XPR1: variants seen among roughly 807,000 people sequenced by gnomAD.
XPR1 encodes the protein solute carrier family 53 member 1.
XPR1 carries 28 observed loss-of-function variants against 87.5 expected under a neutral mutation model. That is an observed-to-expected ratio of 0.32 (90% CI 0.24 to 0.44). The LOEUF (loss-of-function observed/expected upper bound fraction) is 0.44. XPR1 is among the 20% of genes least tolerant of loss of function. The pLI, the probability that XPR1 is intolerant of heterozygous loss-of-function variation, is 1.00. For synonymous variants in XPR1, 300 were observed against 306.1 expected (o/e 0.98, Z 0.21); for missense variants, 559 against 862.3 (o/e 0.65, Z 4.41).
intron 9 of XPR1, among the ~76,000 whole-genome samples, chr1:180,827,153 CAAAA>C (rs11324246): frequency 3.6e-4 from 24 of 66,908 alleles, no homozygotes; most frequent in Middle Eastern, 8.5e-3. Flanking sequence ...GACTCCTTCT[CAAAA>C]AAAAAAAAAA....
chr1:180,755,458 A>G (rs1245044212), intron 2 of XPR1, among the ~76,000 whole-genome samples: 2 of 152,244 alleles, frequency 1.3e-5, no homozygotes, highest in Non-Finnish European at 2.9e-5. Flanking sequence ...AAATGCATAC[A>G]TGTGCACACC....
intron 9 of XPR1, 134 bp from the exon 10 acceptor site, chr1:180,834,740 T>C (rs1651213166): frequency 1.0e-6 from 1 of 970,702 alleles, no homozygotes; most frequent in Non-Finnish European, 1.5e-6. Flanking sequence ...TTGCCAGGTC[T>C]CTGTATTTAT....
chr1:180,739,105 TATAAC>T (rs148452146), intron 2 of XPR1, among the ~76,000 whole-genome samples: 2,554 of 152,324 alleles, frequency 0.017, 78 homozygotes, highest in African/African-American at 0.056. Context: ...ATCCAGTTGT[TATAAC>T]ATAATTTGTT....
chr1:180,693,811 T>A (rs1299678568), intron 2 of XPR1, among the ~76,000 whole-genome samples: 1 of 152,228 alleles, frequency 6.6e-6, no homozygotes, highest in Non-Finnish European at 1.5e-5. Flanking sequence ...TCCAGGATGA[T>A]GTCATCTCAA....
chr1:180,775,075 C>A (rs540036264), intron 2 of XPR1, among the ~76,000 whole-genome samples: 3 of 152,156 alleles, frequency 2.0e-5, no homozygotes, highest in Non-Finnish European at 2.9e-5. Context: ...TCTTAAAGCC[C>A]CACCTCTAAA....
chr1:180,777,529 A>G (rs995389330), intron 2 of XPR1, among the ~76,000 whole-genome samples: 5 of 152,204 alleles, frequency 3.3e-5, no homozygotes, highest in Non-Finnish European at 7.4e-5. Context: ...TGCCTGGTAC[A>G]TAGGAGGGAC....
At chr1:180,712,135 A>T (rs1285661780) in intron 2 of XPR1, among the ~76,000 whole-genome samples, 1 of 152,246 alleles carries the variant, frequency 6.6e-6, no homozygotes, top group African/African-American at 2.4e-5. Flanking sequence ...AATTAGGCAC[A>T]ATAAGAGACT....
intron 2 of XPR1, among the ~76,000 whole-genome samples, chr1:180,774,272 C>G (rs936772702): frequency 3.3e-5 from 5 of 151,306 alleles, no homozygotes; most frequent in African/African-American, 9.7e-5. Context: ...GAGAATATTG[C>G]AGGAATTTTG....
At chr1:180,858,692 A>C (rs1652118342) in intron 11 of XPR1, among the ~76,000 whole-genome samples, 1 of 152,178 alleles carries the variant, frequency 6.6e-6, no homozygotes, top group Admixed American at 6.5e-5. Context: ...AGGTCTCCTA[A>C]CTTTAAATCT....
chr1:180,661,080 CCTT>C (rs1183043686), intron 1 of XPR1, among the ~76,000 whole-genome samples: 2 of 151,936 alleles, frequency 1.3e-5, no homozygotes, highest in Admixed American at 6.6e-5. Flanking sequence ...TCTGAATTGA[CCTT>C]CTTATTATAT....
intron 11 of XPR1, among the ~76,000 whole-genome samples, chr1:180,849,861 A>C (rs1320202330): frequency 6.6e-6 from 1 of 152,228 alleles, no homozygotes; most frequent in Non-Finnish European, 1.5e-5. Context: ...GTTATACTTC[A>C]GTGGAAGTCT....
intron 1 of XPR1, among the ~76,000 whole-genome samples, chr1:180,647,995 G>A (rs950590344): frequency 2.6e-5 from 4 of 151,718 alleles, no homozygotes; most frequent in Non-Finnish European, 5.9e-5. Flanking sequence ...CCAATATGTG[G>A]CCACTAGTCA....
At chr1:180,655,278 T>C (rs535314913) in intron 1 of XPR1, among the ~76,000 whole-genome samples, 2 of 152,334 alleles carry the variant, frequency 1.3e-5, no homozygotes, top group African/African-American at 4.8e-5. Flanking sequence ...TTTTTTATTG[T>C]TGAGTTTTAG....
At chr1:180,704,780 C>T (rs1402820142) in intron 2 of XPR1, among the ~76,000 whole-genome samples, 1 of 142,664 alleles carries the variant, frequency 7.0e-6, no homozygotes, top group Non-Finnish European at 1.5e-5. Context: ...AGCCTGGGAC[C>T]TCCAATCAGC....
At chr1:180,716,104 T>G (rs927694478) in intron 2 of XPR1, among the ~76,000 whole-genome samples, 1 of 152,126 alleles carries the variant, frequency 6.6e-6, no homozygotes, top group Non-Finnish European at 1.5e-5. Flanking sequence ...TCAGATAAAC[T>G]TTGGGCTATA....
chr1:180,787,402 C>T (rs971831074), intron 2 of XPR1, among the ~76,000 whole-genome samples: 2 of 151,690 alleles, frequency 1.3e-5, no homozygotes, highest in Non-Finnish European at 2.9e-5. Context: ...ACCTCAGCCT[C>T]CAGAGTAGGT....
intron 7 of XPR1, among the ~76,000 whole-genome samples, chr1:180,819,949 G>C (rs12097202): frequency 0.02 from 3,104 of 152,078 alleles, 106 homozygotes; most frequent in African/African-American, 0.071. Context: ...GGACCCAGGA[G>C]GGGGAGGGTG....
intron 1 of XPR1, among the ~76,000 whole-genome samples, chr1:180,665,248 C>T (rs1655917771): frequency 6.6e-6 from 1 of 152,174 alleles, no homozygotes; most frequent in African/African-American, 2.4e-5. Context: ...GACTCACTCA[C>T]TATCGCAAGA....
chr1:180,824,930 A>G lies in XPR1; in HGVS notation c.941A>G (p.Gln314Arg). The part of the protein sequence containing the change: ...ELNPRSNLSH[Q>R]HLFEIAGFLG... ...AATCCGAGAAGCAATTTGTCTCATC[A>G]ACATCTCTTTGAGGTAATCAAAGCA... is the stretch of plus-strand genomic sequence containing the variant. The change falls in exon 8 of 15, where the codon CAA (glutamine) becomes CGA (arginine). Residue 314 changes from glutamine to arginine, a missense_variant. Gln to Arg is a conservative substitution (Grantham distance 43). Coordinates refer to ENST00000367590, the MANE Select transcript of XPR1 (RefSeq NM_004736.4). 1.2e-6 allele frequency: 2 copies of G among 1,613,804 alleles called. No homozygotes were observed. The highest frequency in any genetic ancestry group is 1.7e-6 in the Non-Finnish European group (2 of 1,179,930).
Sources: allele counts gnomAD v4.1 joint callset (sites outside exome capture counted in the v4.1 genomes callset), GRCh38; gene constraint gnomAD v4.1.1; transcripts MANE v1.5; gene names NCBI Gene and HGNC (gene_info 2026-07-23, HGNC 2026-07-21).